The following SLCO1A2 variants were observed in gnomAD, a reference collection of about 807,000 sequenced individuals.
SLCO1A2 encodes OATP-1.
Under a neutral mutation model 69.0 loss-of-function variants are expected in SLCO1A2, and 67 were observed. The observed-to-expected ratio is 0.97, with a 90% CI of 0.80 to 1.19. The LOEUF (loss-of-function observed/expected upper bound fraction) is 1.19. Ranked by LOEUF, SLCO1A2 falls within the 50% of genes most tolerant of loss-of-function variation. SLCO1A2 has a pLI of 0.00. For synonymous variants in SLCO1A2, 260 were observed against 265.9 expected (o/e 0.98, Z 0.22); for missense variants, 787 against 793.7 (o/e 0.99, Z 0.10).
intron 6 of SLCO1A2, among the ~76,000 whole-genome samples, chr12:21,301,811 A>G (rs1262053024): frequency 6.6e-6 from 1 of 151,996 alleles, no homozygotes; most frequent in African/African-American, 2.4e-5. Flanking sequence ...TTCCATGTCC[A>G]TCAGTCCTAT....
rs181713918 is a variant in SLCO1A2, at chr12:21,343,919, A to G, written c.-62-9210T>C. ...ACTTACTGTGTCTACCCTCAAGACC[A>G]GTTGTTATGCAGAAAGTATGAAGAA... On this transcript the variant is annotated intron_variant, in intron 2 of 15. Transcript: ENST00000307378. Among the ~76,000 whole-genome samples the G allele has an allele frequency of 1.5e-3, 228 of 152,230 alleles. 3 individuals are homozygous for G. The highest frequency in any genetic ancestry group is 3.8e-4 in the Non-Finnish European group (26 of 67,994).
At chr12:21,404,227 A>ATTTATTTTAT (rs368900889) in intron 1 of SLCO1A2, among the ~76,000 whole-genome samples, 3 of 151,934 alleles carry the variant, frequency 2.0e-5, no homozygotes, top group Non-Finnish European at 2.9e-5. Flanking sequence ...AGTTGGATTT[A>ATTTATTTTAT]TTTATTTTAT....
intron 5 of SLCO1A2, 46 bp downstream of exon 5, chr12:21,306,836 A>C (rs1949465249): frequency 8.2e-7 from 1 of 1,217,486 alleles, no homozygotes; most frequent in Admixed American, 1.7e-5. Flanking sequence ...GAAAGTGTTT[A>C]GTTATAAGTT....
rs1309278593 is a variant in SLCO1A2 at position 21,413,242 on chromosome 12, T to C, written c.-312+4640A>G. ...CTTCTTTTCTTTTTCTTTTTCTTTT[T>C]TTTTTTTTTTTTTTGAGAAGGACCC... On this transcript the variant is annotated intron_variant, in intron 1 of 4. Transcript: ENST00000413682. Among the ~76,000 whole-genome samples, 16 of 127,240 alleles carry C rather than the reference T, an allele frequency of 1.3e-4. 1 individual carries two copies. The highest frequency in any genetic ancestry group is 5.4e-4 in the Admixed American group (7 of 12,890). The allele number at this position is 127,240 out of a possible 152,430, so 83.5% of individuals were successfully genotyped here. A position where few individuals can be genotyped will look rare whatever the true frequency, so the allele number is the denominator to read the frequency against.
chr12:21,282,674 C>G (rs1323581981), intron 12 of SLCO1A2, among the ~76,000 whole-genome samples: 1 of 152,004 alleles, frequency 6.6e-6, no homozygotes, highest in African/African-American at 2.4e-5. Flanking sequence ...ATGATATGAT[C>G]TTCTATTTTG....
intron 1 of SLCO1A2, among the ~76,000 whole-genome samples, chr12:21,416,553 C>T (rs1009298720): frequency 6.6e-6 from 1 of 151,984 alleles, no homozygotes; most frequent in Non-Finnish European, 1.5e-5. Context: ...GTGTGACCTG[C>T]TCATGCTCAC....
At chr12:21,398,134 A>G (rs1300582472), upstream of SLCO1A2, among the ~76,000 whole-genome samples, 50 of 148,276 alleles carry the variant, frequency 3.4e-4, 1 homozygote, top group Admixed American at 1.4e-3. Context: ...TAGCAAGACT[A>G]ATAAAGAAAA....
chr12:21,319,248 A>T (rs1951274532), intron 2 of SLCO1A2: 5 of 962,518 alleles, frequency 5.2e-6, no homozygotes, highest in Non-Finnish European at 7.5e-6. Context: ...AATGATATCT[A>T]AAGTACAAAA....
chr12:21,419,381 G>T (rs1388270105), upstream of SLCO1A2: 1 of 153,168 alleles, frequency 6.5e-6, no homozygotes, highest in Non-Finnish European at 1.5e-5. Flanking sequence ...GCGAGCCGAA[G>T]CAGGGCGAGG....
At chr12:21,295,889 T>A (rs1591806466) in intron 9 of SLCO1A2, 97 bp from the exon 10 acceptor site, 1 of 653,506 alleles carries the variant, frequency 1.5e-6, no homozygotes, top group Non-Finnish European at 2.6e-6. Flanking sequence ...AGTAACTATT[T>A]AGGTCCAACT....
chr12:21,307,446 A>G (rs1170405289), intron 4 of SLCO1A2, among the ~76,000 whole-genome samples: 1 of 152,178 alleles, frequency 6.6e-6, no homozygotes, highest in Non-Finnish European at 1.5e-5. Context: ...TTTCTGAGAA[A>G]CCGTACAATA....
At chr12:21,274,173 G>C (rs1254428779) in intron 14 of SLCO1A2, 3 of 255,576 alleles carry the variant, frequency 1.2e-5, no homozygotes, top group Non-Finnish European at 2.3e-5. Context: ...ATAGGTATCA[G>C]TGTACAACCA....
At chr12:21,301,072 T>C (rs886879454) in intron 7 of SLCO1A2, 99 bp downstream of exon 7, 5 of 603,194 alleles carry the variant, frequency 8.3e-6, no homozygotes, top group Non-Finnish European at 1.3e-5. Flanking sequence ...AGATCATTTA[T>C]CAAATTGAAG....
chr12:21,329,715 A>G (rs1952483388), intron 2 of SLCO1A2, among the ~76,000 whole-genome samples: 1 of 150,816 alleles, frequency 6.6e-6, no homozygotes, highest in South Asian at 2.1e-4. Context: ...ATTTAGTTTT[A>G]TCTATATAAT....
chr12:21,292,263 G>C lies in SLCO1A2; in HGVS notation c.1511C>G (p.Pro504Arg), dbSNP rs2136310881. ...GTACTGGAGCATCAAGGAACAGTCA[G>C]GTCCTTTGTCGCACAGCCCAAGAAC... The part of the protein sequence containing the change: ...SAVLGLCDKG[P>R]DCSLMLQYFL... Residue 504 changes from proline to arginine, a missense_variant, in exon 12 of 15, where the codon CCT (proline) becomes CGT (arginine). Transcript: ENST00000683939. 6.2e-7 allele frequency: 1 copy of C among 1,613,100 alleles called. No homozygotes were observed.
intron 2 of SLCO1A2, among the ~76,000 whole-genome samples, chr12:21,342,380 T>G (rs938360674): frequency 1.3e-5 from 2 of 152,056 alleles, no homozygotes; most frequent in African/African-American, 4.8e-5. Context: ...CCTACTCTTA[T>G]TTCTTCCATT....
intron 5 of SLCO1A2, among the ~76,000 whole-genome samples, chr12:21,305,850 C>A (rs1949307414): frequency 6.6e-6 from 1 of 152,198 alleles, no homozygotes; most frequent in South Asian, 2.1e-4. Context: ...CCCTTGTGGA[C>A]TACTGCAATT....
intron 2 of SLCO1A2, among the ~76,000 whole-genome samples, chr12:21,365,526 C>A (rs1460340263): frequency 6.6e-6 from 1 of 152,098 alleles, no homozygotes; most frequent in Non-Finnish European, 1.5e-5. Flanking sequence ...GCAATGGCAA[C>A]AAAAGCCAAA....
upstream of SLCO1A2, among the ~76,000 whole-genome samples, chr12:21,337,877 A>G (rs1411180767): frequency 6.6e-6 from 1 of 152,022 alleles, no homozygotes; most frequent in African/African-American, 2.4e-5. Context: ...TGGAAAAACT[A>G]TGGCAGAAAC....
Sources: gnomAD v4.1 joint callset for allele counts (sites outside exome capture counted in the v4.1 genomes callset) on GRCh38, gnomAD v4.1.1 for gene constraint, MANE v1.5 for transcripts, NCBI Gene and HGNC (gene_info 2026-07-23, HGNC 2026-07-21) for gene names.